The following PRKG1 variants were observed in gnomAD, a reference collection of about 807,000 sequenced individuals.
The protein encoded by PRKG1 is cGMP-dependent protein kinase 1.
A neutral mutation model predicts 88.1 loss-of-function variants in PRKG1; 35 were observed. The observed-to-expected ratio is 0.40, with a 90% CI of 0.30 to 0.53. The LOEUF is 0.53. Ranked by LOEUF, PRKG1 falls within the 20% of genes least tolerant of loss-of-function variation. The probability of loss-of-function intolerance (pLI) is 0.59; values close to 1 mark genes in which losing one functional copy is unlikely to be tolerated. For synonymous variants in PRKG1, 303 were observed against 292.5 expected (o/e 1.04, Z -0.37); for missense variants, 540 against 839.8 (o/e 0.64, Z 4.41).
At chr10:51,177,466 C>G (rs74131799) in intron 2 of PRKG1, among the ~76,000 whole-genome samples, 8,506 of 152,134 alleles carry the variant, frequency 0.056, 459 homozygotes, top group African/African-American at 0.14. Context: ...TAAACAGTGG[C>G]TGCTATTTGC....
At chr10:52,272,293 G>C (rs190655366) in intron 11 of PRKG1, 99 bp from the exon 12 acceptor site, 1 of 861,194 alleles carries the variant, frequency 1.2e-6, no homozygotes, top group East Asian at 2.7e-5. Flanking sequence ...AAAATTTTGA[G>C]CTTGGCAAAT....
At chr10:52,124,316 A>G (rs1291588203) in intron 7 of PRKG1, among the ~76,000 whole-genome samples, 1 of 152,210 alleles carries the variant, frequency 6.6e-6, no homozygotes, top group African/African-American at 2.4e-5. Context: ...GGTATAGCCT[A>G]TTGCTCCTAG....
chr10:51,556,184 C>T lies in PRKG1; in HGVS notation c.592+88348C>T, dbSNP rs376232804. 6.6e-5 allele frequency among the ~76,000 whole-genome samples: 10 copies of T among 151,804 alleles called. No individual in the cohort carries two copies. In the East Asian group the frequency reaches 1.9e-3, roughly 29 times the overall value. Reference sequence around the variant, plus strand: ...CTAATAATACCAAATATGAATAATTCCTATCATACATGAATAAGTTTGGTT... The same window carrying T: ...CTAATAATACCAAATATGAATAATTTCTATCATACATGAATAAGTTTGGTT... On this transcript the variant is annotated intron_variant, in intron 3 of 17. Transcript: ENST00000373980.
chr10:52,175,826 AT>A (rs746489104), intron 9 of PRKG1, among the ~76,000 whole-genome samples: 3 of 152,008 alleles, frequency 2.0e-5, no homozygotes, highest in African/African-American at 7.2e-5. Flanking sequence ...TCCTTTGCCC[AT>A]TTTTTAATCC....
intron 6 of PRKG1, among the ~76,000 whole-genome samples, chr10:52,057,251 CAA>C (rs1157869598): frequency 6.6e-6 from 1 of 152,186 alleles, no homozygotes; most frequent in Non-Finnish European, 1.5e-5. Flanking sequence ...CACATTCACA[CAA>C]AGAGAGAAGC....
chr10:52,057,914 T>C (rs190957212), intron 6 of PRKG1, among the ~76,000 whole-genome samples: 26 of 152,178 alleles, frequency 1.7e-4, no homozygotes, highest in African/African-American at 6.0e-4. Flanking sequence ...AAGATAAAGA[T>C]ATACATTATT....
intron 1 of PRKG1, among the ~76,000 whole-genome samples, chr10:51,151,851 T>C (rs1846080958): frequency 6.6e-6 from 1 of 151,998 alleles, no homozygotes; most frequent in South Asian, 2.1e-4. Flanking sequence ...GAGGTCTGGA[T>C]GAAAAGCCTC....
Position 52,196,212 on chromosome 10 carries a change from T to G in PRKG1, c.1076+34249T>G, listed in dbSNP as rs1054419680. Among the ~76,000 whole-genome samples the G allele has an allele frequency of 8.8e-4, 134 of 152,122 alleles. 1 individual carries two copies. Among genetic ancestry groups the G allele is most frequent in the African/African-American group, 3.1e-3 (127 of 41,514 alleles). On this transcript the variant is annotated intron_variant, in intron 9 of 17. Transcript: ENST00000373980. ...TGGTATTTTTTAGTAGAGACGGGGT[T>G]TCACCATGTTAGCCAGGATGGTCTC...
At chr10:51,068,871 T>A (rs1482508801) in intron 1 of PRKG1, among the ~76,000 whole-genome samples, 1 of 152,006 alleles carries the variant, frequency 6.6e-6, no homozygotes, top group Non-Finnish European at 1.5e-5. Flanking sequence ...TGCAGTAAAA[T>A]GGTGTCTTGT....
chr10:52,028,375 G>A (rs946191013), intron 5 of PRKG1, among the ~76,000 whole-genome samples: 8 of 152,092 alleles, frequency 5.3e-5, no homozygotes, highest in African/African-American at 1.7e-4. Context: ...TTATGTGTGT[G>A]TCCCTCTTGT....
chr10:51,969,284 A>G (rs768789415), intron 5 of PRKG1, among the ~76,000 whole-genome samples: 2 of 152,154 alleles, frequency 1.3e-5, no homozygotes, highest in South Asian at 2.1e-4. Context: ...ATTTCTCCCT[A>G]GAAATCTTAA....
intron 3 of PRKG1, among the ~76,000 whole-genome samples, chr10:51,599,674 G>T (rs1838546728): frequency 6.6e-6 from 1 of 152,096 alleles, no homozygotes; most frequent in Non-Finnish European, 1.5e-5. Flanking sequence ...GAAAAATTAA[G>T]ACTTGGGGCT....
chr10:51,882,774 T>G (rs1285811938), intron 4 of PRKG1, among the ~76,000 whole-genome samples: 2 of 152,214 alleles, frequency 1.3e-5, no homozygotes, highest in Non-Finnish European at 2.9e-5. Flanking sequence ...TCATCAATCC[T>G]TCATGCCAAT....
intron 2 of PRKG1, among the ~76,000 whole-genome samples, chr10:51,327,485 T>C (rs1007223361): frequency 1.3e-5 from 2 of 151,430 alleles, no homozygotes; most frequent in African/African-American, 2.4e-5. Context: ...TTTTTAAAAA[T>C]GTTTTTAAAA....
chr10:51,028,865 T>C (rs140865570), intron 1 of PRKG1, among the ~76,000 whole-genome samples: 90 of 152,326 alleles, frequency 5.9e-4, no homozygotes, highest in African/African-American at 2.1e-3. Flanking sequence ...ATTTAACATG[T>C]TACCTAAACT....
intron 9 of PRKG1, among the ~76,000 whole-genome samples, chr10:52,192,980 A>T (rs1231306741): frequency 1.3e-5 from 2 of 152,122 alleles, no homozygotes; most frequent in Non-Finnish European, 2.9e-5. Flanking sequence ...CCTTAATTTC[A>T]TTGCTGGGGT....
intron 3 of PRKG1, among the ~76,000 whole-genome samples, chr10:51,566,811 CTGAT>C (rs963382904): frequency 4.6e-5 from 7 of 151,820 alleles, no homozygotes; most frequent in Non-Finnish European, 1.0e-4. Flanking sequence ...CCTGTGATCA[CTGAT>C]TGTTCTTTTA....
chr10:51,837,560 A>G (rs1199040362), intron 4 of PRKG1, among the ~76,000 whole-genome samples: 1 of 151,960 alleles, frequency 6.6e-6, no homozygotes, highest in Admixed American at 6.6e-5. Context: ...GCCTACTAGA[A>G]CTTTATTCCC....
chr10:50,991,682 G>C lies in PRKG1; in HGVS notation c.266+38G>C. 7.2e-7 allele frequency: 1 copy of C among 1,393,688 alleles called. No homozygotes were observed. The highest frequency in any genetic ancestry group is 9.4e-7 in the Non-Finnish European group (1 of 1,067,756). The allele number at this position is 1,393,688 out of a possible 1,614,324, so 86.3% of individuals were successfully genotyped here. On this transcript the variant is annotated intron_variant, in intron 1 of 17. Transcript: ENST00000401604. This position sits in a 1 kb window ranked among gnomAD's most constrained non-coding sequence, Gnocchi z 4.5. ...GCCGTGGGCCCGGGCGCTCGTCCCG[G>C]CCCGCGGCGCAGAGGCTGGGGGCTC...
Sources: gnomAD v4.1 joint callset for allele counts (sites outside exome capture counted in the v4.1 genomes callset) on GRCh38, gnomAD v4.1.1 for gene constraint, Gnocchi (gnomAD v3.1) non-coding constraint, MANE v1.5 for transcripts, NCBI Gene and HGNC (gene_info 2026-07-23, HGNC 2026-07-21) for gene names.